CELA2B: variants seen among roughly 807,000 people sequenced by gnomAD.
CELA2B encodes the protein chymotrypsin-like elastase family member 2B.
A neutral mutation model predicts 36.5 loss-of-function variants in CELA2B; 27 were observed. The observed-to-expected ratio is 0.74, with a 90% CI of 0.55 to 1.02. The LOEUF is 1.02. Ranked by LOEUF, CELA2B falls within the 50% of genes least tolerant of loss-of-function variation. The pLI is 0.00. For missense variants in CELA2B, 340 were observed against 347.8 expected (o/e 0.98, Z 0.18); for synonymous variants, 143 against 148.5 (o/e 0.96, Z 0.27).
rs778223622 is a variant in CELA2B at position 15,485,883 on chromosome 1, C to G, written c.494-18C>G. The G allele has an allele frequency of 1.2e-6, 2 of 1,613,824 alleles. No individual in the cohort carries two copies. Among genetic ancestry groups the G allele is most frequent in the Non-Finnish European group, 1.7e-6 (2 of 1,179,820 alleles). On this transcript the variant is annotated intron_variant, in intron 5 of 7. Transcript: ENST00000375910. ...GGAGTCCCTGCGTCCCTAATGGCTT[C>G]TCTCTGGTCTCATTCAGCCAACGGG...
Position 15,489,300 on chromosome 1 carries a change from A to G in CELA2B, c.792+1863A>G, listed in dbSNP as rs1006320181. ...AGCACAACAGAACAGGCCAGATCCC[A>G]AAGCATGGCCAGATGGCAGCAGGGA... On this transcript the variant is annotated intron_variant, in intron 7 of 7. Coordinates refer to ENST00000375910, the MANE Select transcript of CELA2B (RefSeq NM_015849.3). 9.2e-5 allele frequency among the ~76,000 whole-genome samples: 14 copies of G among 152,348 alleles called. No individual in the cohort carries two copies. The East Asian group carries it at 1.2e-3, about 13-fold the overall frequency.
In CELA2B at chr1:15,487,292, C is replaced by G. The variant is rs762501502; in HGVS notation, c.647C>G (p.Ser216Cys). 3.7e-6 allele frequency: 6 copies of G among 1,614,206 alleles called. No homozygotes were observed. The South Asian group carries it at 6.6e-5, about 18-fold the overall frequency. The change falls in exon 7 of 8, where the codon TCC becomes TGC. Residue 216 changes from serine to cysteine, a missense_variant. Physicochemically the swap from Ser to Cys is moderately radical, Grantham distance 112. Coordinates refer to ENST00000375910, the MANE Select transcript of CELA2B (RefSeq NM_015849.3). ...DGVICTCNGDSGGPLNCQASD... is the reference protein window; with the variant it reads ...DGVICTCNGDCGGPLNCQASD... ...AACTCTGGCCTTCCTCAGGGAGACT[C>G]CGGTGGGCCGCTGAACTGTCAGGCA...
chr1:15,478,238 T>C (rs1360012661), intron 2 of CELA2B, among the ~76,000 whole-genome samples: 1 of 148,884 alleles, frequency 6.7e-6, no homozygotes, highest in Non-Finnish European at 1.5e-5. Context: ...AGTTTGTTTG[T>C]TTGTTTGTTT....
chr1:15,479,213 A>T (rs1708712332), intron 2 of CELA2B, among the ~76,000 whole-genome samples: 1 of 152,146 alleles, frequency 6.6e-6, no homozygotes, highest in African/African-American at 2.4e-5. Flanking sequence ...AAGGCCCCTT[A>T]ATGTCACAAA....
chr1:15,488,157 A>C (rs1708828609), intron 7 of CELA2B, among the ~76,000 whole-genome samples: 1 of 152,164 alleles, frequency 6.6e-6, no homozygotes, highest in Non-Finnish European at 1.5e-5. Flanking sequence ...GAGGCCAAGG[A>C]AGGAGGATTG....
At chr1:15,482,942 C>T (rs990106121) in intron 4 of CELA2B, among the ~76,000 whole-genome samples, 5 of 34,612 alleles carry the variant, frequency 1.4e-4, no homozygotes, top group African/African-American at 1.2e-3. Flanking sequence ...CCCACCACCA[C>T]AGGCCCGGCT....
At chr1:15,477,312 A>C (rs1708685255) in intron 2 of CELA2B, among the ~76,000 whole-genome samples, 1 of 152,234 alleles carries the variant, frequency 6.6e-6, no homozygotes, top group African/African-American at 2.4e-5. Context: ...ATTAAGACTA[A>C]ACTGCCGAGT....
At chr1:15,478,217 T>TATATATATA (rs1491212485) in intron 2 of CELA2B, among the ~76,000 whole-genome samples, 35 of 48,468 alleles carry the variant, frequency 7.2e-4, no homozygotes, top group African/African-American at 2.5e-3. Context: ...TATATATATA[T>TATATATATA]TGGGATATAT....
At position 15,487,308 on chromosome 1, in the gene CELA2B, C is replaced by T. The variant is rs1301788932; in HGVS notation, c.663C>T (p.Asn221=). The change falls in exon 7 of 8, where the codon AAC becomes AAT. Residue 221 remains asparagine, a synonymous_variant. Coordinates refer to ENST00000375910, the MANE Select transcript of CELA2B (RefSeq NM_015849.3). ...AGGGAGACTCCGGTGGGCCGCTGAA[C>T]TGTCAGGCATCTGACGGCCGGTGGG... ...TCNGDSGGPL[N]CQASDGRWEV... is the part of the protein sequence containing the mutation. 1 of 1,614,240 alleles carries T rather than the reference C, an allele frequency of 6.2e-7. No homozygotes were observed. Among genetic ancestry groups the T allele is most frequent in the Non-Finnish European group, 8.5e-7 (1 of 1,180,034 alleles).
chr1:15,483,039 G>A (rs548875763), intron 4 of CELA2B, among the ~76,000 whole-genome samples: 33 of 152,214 alleles, frequency 2.2e-4, no homozygotes, highest in African/African-American at 6.0e-4. Context: ...CACTCGCCTC[G>A]GCCTCCCAAA....
At chr1:15,478,061 G>A (rs1708693719) in intron 2 of CELA2B, among the ~76,000 whole-genome samples, 1 of 152,116 alleles carries the variant, frequency 6.6e-6, no homozygotes, top group Non-Finnish European at 1.5e-5. Context: ...CACTTTGGGA[G>A]GCCAAGGTGG....
chr1:15,490,222 A>ATCTG (rs1708861971), intron 7 of CELA2B, among the ~76,000 whole-genome samples: 2 of 64,940 alleles, frequency 3.1e-5, no homozygotes, highest in South Asian at 7.9e-4. Context: ...TTATGTGCAT[A>ATCTG]TCTATCTATC....
In CELA2B at chr1:15,481,142, C is replaced by T. The variant is rs529933634; in HGVS notation, c.174C>T (p.Cys58=). 4.3e-5 allele frequency: 70 copies of T among 1,613,482 alleles called. No individual in the cohort carries two copies. The highest frequency in any genetic ancestry group is 8.0e-5 in the African/African-American group (6 of 74,914). Residue 58 remains cysteine, a synonymous_variant, in exon 3 of 8, where the codon TGC becomes TGT. Coordinates refer to ENST00000375910, the MANE Select transcript of CELA2B (RefSeq NM_015849.3). The part of the protein sequence containing the change: ...YSSNGQWYHT[C]GGSLIANSWV... ...CCAATGGCCAGTGGTACCACACCTG[C>T]GGAGGGTCCCTGATAGCCAACAGCT...
intron 3 of CELA2B, chr1:15,481,583 T>C (rs1298691485): frequency 6.1e-6 from 3 of 490,748 alleles, no homozygotes; most frequent in South Asian, 1.5e-5. Flanking sequence ...GACTCAGCAA[T>C]TGATTTGCTA....
At chr1:15,479,165 G>C (rs1264310191) in intron 2 of CELA2B, among the ~76,000 whole-genome samples, 1 of 152,100 alleles carries the variant, frequency 6.6e-6, no homozygotes, top group Non-Finnish European at 1.5e-5. Flanking sequence ...TTTTCACTTG[G>C]TCCAATTTTA....
In CELA2B at chr1:15,484,901, A is replaced by AT. The variant is rs1173212338; in HGVS notation, c.494-986dup. 7.6e-3 allele frequency among the ~76,000 whole-genome samples: 1,101 copies of AT among 145,630 alleles called. 3 individuals carry two copies. The highest frequency in any genetic ancestry group is 7.3e-3 in the Non-Finnish European group (476 of 65,646). ...AGAATGGTCTTAAGCAAAAAGCTTGATTTTTTTTTTTTTTGAGACAGAGTC... is the reference window on the plus strand; with the variant it reads ...AGAATGGTCTTAAGCAAAAAGCTTGATTTTTTTTTTTTTTTGAGACAGAGTC... On this transcript the variant is annotated intron_variant, in intron 5 of 7. Coordinates refer to ENST00000375910, the MANE Select transcript of CELA2B (RefSeq NM_015849.3).
At chr1:15,476,337 G>C (rs996215569) in intron 1 of CELA2B, 120 bp from the exon 2 acceptor site, 1 of 1,376,558 alleles carries the variant, frequency 7.3e-7, no homozygotes. Flanking sequence ...AGGATTTTAT[G>C]ACCTCTTGGG....
intron 6 of CELA2B, among the ~76,000 whole-genome samples, chr1:15,486,580 A>C (rs1708807509): frequency 6.6e-6 from 1 of 152,196 alleles, no homozygotes; most frequent in Admixed American, 6.5e-5. Flanking sequence ...CCTGGGTCTC[A>C]TCAAGGTCTC....
chr1:15,485,797 C>A, intron 5 of CELA2B, 104 bp from the exon 6 acceptor site: 2 of 1,380,580 alleles, frequency 1.4e-6, no homozygotes, highest in Non-Finnish European at 2.0e-6. Context: ...TCCCATGTTG[C>A]AATGGATGGA....
Sources: gnomAD v4.1 joint callset for allele counts (sites outside exome capture counted in the v4.1 genomes callset) on GRCh38, gnomAD v4.1.1 for gene constraint, MANE v1.5 for transcripts, NCBI Gene and HGNC (gene_info 2026-07-23, HGNC 2026-07-21) for gene names.